Variants in ZBBX observed in about 807,000 individuals in gnomAD.
The protein encoded by ZBBX is zinc finger B-box domain containing.
A neutral mutation model predicts 108.5 loss-of-function variants in ZBBX; 101 were observed. The ratio of observed to expected loss-of-function variants is 0.93; its 90% confidence interval spans 0.79 to 1.10. ZBBX has a LOEUF of 1.10. ZBBX is among the 50% of genes least tolerant of loss of function. The pLI is 0.00. For synonymous variants in ZBBX, 356 were observed against 323.4 expected (o/e 1.10, Z -1.08); for missense variants, 1,009 against 941.4 (o/e 1.07, Z -0.94).
chr3:167,317,031 A>T lies in ZBBX; in HGVS notation c.1168T>A (p.Ser390Thr), dbSNP rs1735578182. The stretch of plus-strand genomic sequence containing the variant: ...TCATCCAGTTCGACTATCTTTAGAG[A>T]TGGTTCAGGTCTCTCTATGTTTAAT... The part of the protein sequence containing the change: ...ETLNIERPEP[S>T]LKIVELDDTY... Residue 390 changes from serine to threonine, a missense_variant, in exon 14 of 22, where the codon TCT becomes ACT. Ser to Thr is a moderately conservative substitution (Grantham distance 58). Transcript: ENST00000675490. The T allele has an allele frequency of 6.2e-6, 10 of 1,607,732 alleles. No homozygotes were observed. The highest frequency in any genetic ancestry group is 1.7e-5 in the Admixed American group (1 of 59,176).
chr3:167,199,223 T>A, the ZBBX span, among the ~76,000 whole-genome samples: 3 of 152,150 alleles, frequency 2.0e-5, no homozygotes, highest in Non-Finnish European at 4.4e-5. Context: ...TGCCTTGTAA[T>A]TGAATTGTAC....
chr3:167,273,529 A>C (rs528128267), intron 20 of ZBBX, among the ~76,000 whole-genome samples: 1 of 152,140 alleles, frequency 6.6e-6, no homozygotes, highest in South Asian at 2.1e-4. Flanking sequence ...CGTGTCTCTC[A>C]TGACAGGGGG....
chr3:167,226,106 C>A, the ZBBX span, among the ~76,000 whole-genome samples: 3 of 149,454 alleles, frequency 2.0e-5, no homozygotes, highest in African/African-American at 4.9e-5. Context: ...GAAAAAAAAA[C>A]CTCAGAGAAA....
In ZBBX at chr3:167,372,962, A is replaced by C; in HGVS notation, c.-49-12T>G. On this transcript the variant is annotated splice_polypyrimidine_tract_variant and intron_variant, in intron 3 of 21. Transcript: ENST00000675490. ...ATTTGTAAACACTTCTGTAAAAGTA[A>C]CAAAGACAAAAGAATTATGGCAGAG... The C allele has an allele frequency of 7.6e-7, 1 of 1,316,644 alleles. No homozygotes were observed. The highest frequency in any genetic ancestry group is 1.1e-6 in the Non-Finnish European group (1 of 947,620). The allele number at this position is 1,316,644 out of a possible 1,614,324, so 81.6% of individuals were successfully genotyped here.
the ZBBX span, among the ~76,000 whole-genome samples, chr3:167,230,654 A>G: frequency 6.6e-6 from 1 of 151,828 alleles, no homozygotes; most frequent in African/African-American, 2.4e-5. Context: ...AACAACAGCA[A>G]GCAGGCAATG....
chr3:167,367,135 T>C (rs1033382989), intron 5 of ZBBX, among the ~76,000 whole-genome samples: 1 of 151,914 alleles, frequency 6.6e-6, no homozygotes, highest in African/African-American at 2.4e-5. Context: ...CAAAAGTTAA[T>C]TTAATATACA....
At chr3:167,350,280 C>A in intron 9 of ZBBX, 140 bp downstream of exon 9, 1 of 529,802 alleles carries the variant, frequency 1.9e-6, no homozygotes, top group South Asian at 4.4e-5. Context: ...AAATATGCAT[C>A]AGGATTGTCT....
intron 1 of ZBBX, among the ~76,000 whole-genome samples, chr3:167,386,368 A>G (rs1747923444): frequency 6.6e-6 from 1 of 152,062 alleles, no homozygotes; most frequent in East Asian, 1.9e-4. Context: ...CCTGACTTAA[A>G]TGACTACCAG....
intron 3 of ZBBX, among the ~76,000 whole-genome samples, chr3:167,373,226 C>A (rs1435807832): frequency 6.6e-6 from 1 of 152,020 alleles, no homozygotes. Flanking sequence ...TAAGCAAGAG[C>A]TGATTTAAAG....
At chr3:167,388,671 T>A (rs1052971434) in intron 1 of ZBBX, among the ~76,000 whole-genome samples, 1 of 152,042 alleles carries the variant, frequency 6.6e-6, no homozygotes, top group African/African-American at 2.4e-5. Context: ...AATTTAGTTG[T>A]GTCCAGAGGG....
At chr3:167,256,137 C>G (rs1723466436) in intron 20 of ZBBX, among the ~76,000 whole-genome samples, 1 of 152,116 alleles carries the variant, frequency 6.6e-6, no homozygotes, top group Non-Finnish European at 1.5e-5. Context: ...ATGACAGAAT[C>G]TTATCCTCTT....
chr3:167,305,896 G>T lies in ZBBX; in HGVS notation c.1472C>A (p.Ser491Tyr), dbSNP rs1733555802. Residue 491 changes from serine to tyrosine, a missense_variant, in exon 17 of 22, where the codon TCT (serine) becomes TAT (tyrosine). Ser to Tyr is a moderately radical substitution (Grantham distance 144). Transcript: ENST00000675490. ...GCTTTCCTCAATTTTTTCAATGTCA[G>T]AAGAATACACATCAGGATCCACGAT... ...DNIVDPDVYSSDIEKIEESTS... is the reference protein window; with the variant it reads ...DNIVDPDVYSYDIEKIEESTS... The T allele has an allele frequency of 3.7e-6, 6 of 1,606,140 alleles. No homozygotes were observed. The highest frequency in any genetic ancestry group is 2.2e-5 in the East Asian group (1 of 44,712).
At position 167,282,117 on chromosome 3, in the gene ZBBX, A is replaced by C. The variant is rs115960824; in HGVS notation, c.2254+121T>G. On this transcript the variant is annotated intron_variant, in intron 20 of 21. Transcript: ENST00000675490. ...AAAACAGACACAACGGTTGATGGTT[A>C]AAGAAGAAAAAGGAAAGCTTTCTTG... 1,448 of 1,086,040 alleles carry C rather than the reference A, an allele frequency of 1.3e-3. 10 individuals are homozygous for C. The African/African-American group carries it at 0.021, about 16-fold the overall frequency. 67.3% of individuals were successfully genotyped at this position (1,086,040 alleles called of 1,614,324 possible).
chr3:167,365,654 G>A (rs1745202946), intron 6 of ZBBX, among the ~76,000 whole-genome samples: 1 of 151,586 alleles, frequency 6.6e-6, no homozygotes, highest in Non-Finnish European at 1.5e-5. Context: ...TGGGATGTGG[G>A]AAAATTCACT....
In ZBBX at chr3:167,374,121, C is replaced by A. The variant is rs149994328; in HGVS notation, c.-131-334G>T. Among the ~76,000 whole-genome samples the A allele has an allele frequency of 5.0e-3, 760 of 152,112 alleles. 4 individuals carry two copies. Among genetic ancestry groups the A allele is most frequent in the Non-Finnish European group, 9.0e-3 (613 of 68,002 alleles). ...ACGAAAAGAATCTTTGAGATACAATCTAAACCCAATATCCTTTTTATATAT... is the reference window on the plus strand; with the variant it reads ...ACGAAAAGAATCTTTGAGATACAATATAAACCCAATATCCTTTTTATATAT... On this transcript the variant is annotated intron_variant, in intron 2 of 21. Coordinates refer to ENST00000675490, the MANE Select transcript of ZBBX (RefSeq NM_001199201.2).
the ZBBX span, among the ~76,000 whole-genome samples, chr3:167,228,322 C>A: frequency 6.6e-6 from 1 of 151,644 alleles, no homozygotes; most frequent in Non-Finnish European, 1.5e-5. Context: ...GTTTTTCCAC[C>A]GCAAAGTGCT....
Position 167,393,310 on chromosome 3 carries a change from T to C in ZBBX, c.-445-12905A>G, listed in dbSNP as rs558168126. Among the ~76,000 whole-genome samples, 5 of 152,014 alleles carry C rather than the reference T, an allele frequency of 3.3e-5. No individual in the cohort carries two copies. In the South Asian group the frequency reaches 1.0e-3, roughly 31 times the overall value. ...TCTATGTTATTTAAGCCACTATATT[T>C]AGATTTTGTTTGTTTAGCAGCTTAA... On this transcript the variant is annotated intron_variant, in intron 1 of 21. Transcript: ENST00000455345.
At chr3:167,217,526 A>G in the ZBBX span, among the ~76,000 whole-genome samples, 2 of 152,188 alleles carry the variant, frequency 1.3e-5, no homozygotes, top group Non-Finnish European at 2.9e-5. Flanking sequence ...AGTGTAAATT[A>G]GTTCAATCTT....
intron 4 of ZBBX, 37 bp downstream of exon 4, chr3:167,372,797 A>T: frequency 9.2e-7 from 1 of 1,089,166 alleles, no homozygotes; most frequent in Non-Finnish European, 1.4e-6. Flanking sequence ...AAGCTTTGCA[A>T]CTATTCCTAT....
Sources: gnomAD v4.1 joint callset for allele counts (sites outside exome capture counted in the v4.1 genomes callset) on GRCh38, gnomAD v4.1.1 for gene constraint, MANE v1.5 for transcripts, NCBI Gene and HGNC (gene_info 2026-07-23, HGNC 2026-07-21) for gene names.